AFTPH: variants seen among roughly 807,000 people sequenced by gnomAD.
AFTPH encodes the protein aftiphilin protein.
In AFTPH, 7 loss-of-function variants were observed where a neutral mutation model predicts 72.5. The ratio of observed to expected loss-of-function variants is 0.10; its 90% CI spans 0.05 to 0.18. AFTPH has a LOEUF of 0.18. Ranked by LOEUF, AFTPH falls within the 10% of genes least tolerant of loss-of-function variation. The pLI, the probability that AFTPH is intolerant of heterozygous loss-of-function variation, is 1.00. For synonymous variants in AFTPH, 337 were observed against 370.1 expected (o/e 0.91, Z 1.03); for missense variants, 979 against 1,060.5 (o/e 0.92, Z 1.07).
At chr2:64,546,912 G>A (rs1670669664) in intron 1 of AFTPH, among the ~76,000 whole-genome samples, 1 of 152,012 alleles carries the variant, frequency 6.6e-6, no homozygotes, top group African/African-American at 2.4e-5. Flanking sequence ...AGCCAGGCGT[G>A]GTGGCAGGCC....
intron 1 of AFTPH, among the ~76,000 whole-genome samples, chr2:64,549,272 C>A (rs1019655330): frequency 7.5e-6 from 1 of 133,360 alleles, no homozygotes; most frequent in African/African-American, 2.8e-5. Context: ...TATTTATGTG[C>A]TGGTTTTATT....
At chr2:64,536,941 G>A (rs1464951087) in intron 1 of AFTPH, among the ~76,000 whole-genome samples, 1 of 114,090 alleles carries the variant, frequency 8.8e-6, no homozygotes, top group African/African-American at 3.6e-5. Flanking sequence ...AAAAGAAGGA[G>A]ACTCTGTCTC....
intron 1 of AFTPH, among the ~76,000 whole-genome samples, chr2:64,543,270 A>G (rs527296570): frequency 1.1e-4 from 16 of 152,272 alleles, no homozygotes; most frequent in African/African-American, 3.6e-4. Context: ...CATATTCTGG[A>G]TATGAGTTCT....
At chr2:64,530,276 T>C (rs1317106166) in intron 1 of AFTPH, among the ~76,000 whole-genome samples, 2 of 152,238 alleles carry the variant, frequency 1.3e-5, no homozygotes, top group African/African-American at 4.8e-5. Context: ...TGTAGTGTTT[T>C]GTAGTTTTTT....
intron 2 of AFTPH, among the ~76,000 whole-genome samples, chr2:64,564,528 C>T (rs1558617917): frequency 1.3e-5 from 2 of 151,964 alleles, no homozygotes; most frequent in Admixed American, 6.6e-5. Context: ...GCAGCAGAAT[C>T]GCTTGAACCT....
chr2:64,570,928 C>CG (rs1672385436), intron 5 of AFTPH, among the ~76,000 whole-genome samples: 1 of 123,830 alleles, frequency 8.1e-6, no homozygotes, highest in Non-Finnish European at 1.7e-5. Context: ...CCCCCCCCCC[C>CG]ACCTTTTTTC....
chr2:64,562,839 A>G (rs1306031511), intron 2 of AFTPH, among the ~76,000 whole-genome samples: 1 of 152,224 alleles, frequency 6.6e-6, no homozygotes, highest in Non-Finnish European at 1.5e-5. Context: ...GAACTGGGTT[A>G]AAATGATATT....
intron 2 of AFTPH, among the ~76,000 whole-genome samples, chr2:64,562,825 T>C (rs921655282): frequency 6.6e-6 from 1 of 152,234 alleles, no homozygotes; most frequent in African/African-American, 2.4e-5. Flanking sequence ...GCTCCCACTT[T>C]CCTGAACTGG....
intron 7 of AFTPH, chr2:64,579,927 C>CAAAGCACAAAGCACAATTATTT (rs1673070789): frequency 6.0e-6 from 1 of 166,166 alleles, no homozygotes; most frequent in Non-Finnish European, 1.3e-5. Flanking sequence ...GAGGCTGCTT[C>CAAAGCACAAAGCACAATTATTT]AAAGCACAAA....
chr2:64,536,234 T>C (rs1232191343), intron 1 of AFTPH, among the ~76,000 whole-genome samples: 1 of 151,800 alleles, frequency 6.6e-6, no homozygotes, highest in African/African-American at 2.4e-5. Context: ...TATGAACAGA[T>C]AAAAACAAAA....
At chr2:64,581,487 T>C (rs1673194124) in intron 7 of AFTPH, among the ~76,000 whole-genome samples, 1 of 152,206 alleles carries the variant, frequency 6.6e-6, no homozygotes, top group African/African-American at 2.4e-5. Flanking sequence ...AAGCTGAAAG[T>C]AGTTTCTAGG....
rs1197582784 is a variant in AFTPH, at chr2:64,567,749, T to G, written c.2087+36T>G. The G allele has an allele frequency of 5.7e-6, 9 of 1,580,382 alleles. No homozygotes were observed. The African/African-American group carries it at 1.2e-4, about 22-fold the overall frequency. On this transcript the variant is annotated intron_variant, in intron 3 of 8. Coordinates refer to ENST00000238856, the Ensembl canonical transcript of AFTPH. The stretch of plus-strand genomic sequence containing the variant: ...GACTGTTTTTAGATAGCATGTGTTT[T>G]TGTTATTTTTAGTAGTTCTAATTTA...
At chr2:64,556,973 G>A (rs547558766) in intron 2 of AFTPH, among the ~76,000 whole-genome samples, 3 of 152,270 alleles carry the variant, frequency 2.0e-5, no homozygotes, top group African/African-American at 7.2e-5. Context: ...GAATGAGAAC[G>A]AGGTCTTCAC....
intron 1 of AFTPH, among the ~76,000 whole-genome samples, chr2:64,533,550 A>G (rs1424427007): frequency 2.0e-5 from 3 of 152,230 alleles, no homozygotes; most frequent in Non-Finnish European, 4.4e-5. Context: ...AGACAATAAA[A>G]ACATACACCT....
exon 9 of AFTPH, chr2:64,592,071 T>G: frequency 1.9e-6 from 3 of 1,594,854 alleles, no homozygotes; most frequent in Non-Finnish European, 2.6e-6. Context: ...TGCTTTTCCT[T>G]TTTTCCATCC....
intron 1 of AFTPH, among the ~76,000 whole-genome samples, chr2:64,545,937 G>T (rs1228051473): frequency 1.3e-5 from 2 of 152,020 alleles, no homozygotes; most frequent in African/African-American, 4.8e-5. Flanking sequence ...CTGTCACCCA[G>T]ACTGGAGTGC....
chr2:64,526,418 A>T (rs954256194), intron 1 of AFTPH, among the ~76,000 whole-genome samples: 1 of 152,170 alleles, frequency 6.6e-6, no homozygotes, highest in South Asian at 2.1e-4. Flanking sequence ...CCTTCCCCCA[A>T]ATCTCATAAA....
chr2:64,574,455 C>T (rs1412977056), intron 6 of AFTPH, among the ~76,000 whole-genome samples: 1 of 152,180 alleles, frequency 6.6e-6, no homozygotes, highest in African/African-American at 2.4e-5. Context: ...ATTCATTTCT[C>T]AAATTTACTT....
chr2:64,548,983 G>A lies in AFTPH; in HGVS notation c.-32-2460G>A, dbSNP rs79659880. On this transcript the variant is annotated intron_variant, in intron 1 of 8. Coordinates refer to ENST00000238856, the Ensembl canonical transcript of AFTPH. ...GGTAACTCTGAGTGACTGACCAGTC[G>A]TTAACCTCAAAGATCCTTTTCAAAA... is the stretch of plus-strand genomic sequence containing the variant. Among the ~76,000 whole-genome samples the A allele has an allele frequency of 9.4e-3, 1,435 of 152,252 alleles. 25 individuals carry two copies. Among genetic ancestry groups the A allele is most frequent in the African/African-American group, 0.033 (1,369 of 41,532 alleles).
Sources: gnomAD v4.1 joint callset for allele counts (sites outside exome capture counted in the v4.1 genomes callset) on GRCh38, gnomAD v4.1.1 for gene constraint, MANE v1.5 for transcripts, NCBI Gene and HGNC (gene_info 2026-07-23, HGNC 2026-07-21) for gene names.